The following MINDY2 variants were observed in gnomAD, a reference collection of about 807,000 sequenced individuals.
MINDY2 encodes the protein MINDY lysine 48 deubiquitinase 2.
A neutral mutation model predicts 68.2 loss-of-function variants in MINDY2; 52 were observed. That is an observed-to-expected ratio of 0.76 (90% CI 0.61 to 0.96). The LOEUF is 0.96. Among genes scored for constraint, MINDY2 ranks in the 40% least tolerant of loss-of-function variants. The pLI is 0.00. For missense variants in MINDY2, 881 were observed against 773.4 expected, an observed-to-expected ratio of 1.14 and a Z score of -1.65; for synonymous variants, 372 against 303.0, an observed-to-expected ratio of 1.23 and a Z score of -2.36.
In MINDY2 at chr15:58,847,277, T is replaced by G. The variant is rs745593136; in HGVS notation, c.1369-20T>G. ...TTGATCAATTTAACAGTCCTTTTTC[T>G]TTTGTTACTTCTTATTAAGGGTCAA... On this transcript the variant is annotated intron_variant, in intron 6 of 8. Transcript: ENST00000559228. The G allele has an allele frequency of 3.9e-6, 6 of 1,525,948 alleles. No homozygotes were observed. The South Asian group carries it at 6.4e-5, about 16-fold the overall frequency. 94.5% of individuals were successfully genotyped at this position (1,525,948 alleles called of 1,614,324 possible).
At chr15:58,825,514 C>A (rs1301031707) in intron 5 of MINDY2, among the ~76,000 whole-genome samples, 1 of 152,146 alleles carries the variant, frequency 6.6e-6, no homozygotes, top group Non-Finnish European at 1.5e-5. Context: ...GTACCAGCAG[C>A]CAGACTTCAC....
rs551809114 is a variant in MINDY2 at position 58,828,474 on chromosome 15, G to C, written c.1226-3300G>C. Among the ~76,000 whole-genome samples, 135 of 150,616 alleles carry C rather than the reference G, an allele frequency of 9.0e-4. 1 individual carries two copies. Among genetic ancestry groups the C allele is most frequent in the Non-Finnish European group, 2.9e-5 (2 of 67,822 alleles). ...CTTTTTGACTAATTATAGTACCTCT[G>C]TAACTTCACCATCTTTAAGGCATTC... On this transcript the variant is annotated intron_variant, in intron 5 of 8. Transcript: ENST00000559228.
At chr15:58,822,141 C>G (rs1435005544) in intron 5 of MINDY2, among the ~76,000 whole-genome samples, 2 of 151,904 alleles carry the variant, frequency 1.3e-5, no homozygotes, top group African/African-American at 4.8e-5. Context: ...GTAATCCCAG[C>G]TACTCAGGAG....
rs1249384880 is a variant in MINDY2, at chr15:58,857,819, C to T, written c.*3209C>T. Reference sequence around the variant, plus strand: ...AATCATCATTAGATTTGAAAATAGGCAGATGAATGAACAAATATGGTCATT... The same window carrying T: ...AATCATCATTAGATTTGAAAATAGGTAGATGAATGAACAAATATGGTCATT... On this transcript the variant is annotated 3_prime_UTR_variant, in exon 9 of 9. Coordinates refer to ENST00000559228, the MANE Select transcript of MINDY2 (RefSeq NM_001040450.3). 1.3e-5 allele frequency: 2 copies of T among 152,134 alleles called. No individual in the cohort carries two copies. The highest frequency in any genetic ancestry group is 2.9e-5 in the Non-Finnish European group (2 of 68,012). The allele number at this position is 152,134 out of a possible 1,614,324, so 9.4% of individuals were successfully genotyped here.
rs547054269 is a variant in MINDY2 at position 58,797,437 on chromosome 15, G to A, written c.899-4876G>A. On this transcript the variant is annotated intron_variant, in intron 2 of 8. Coordinates refer to ENST00000559228, the MANE Select transcript of MINDY2 (RefSeq NM_001040450.3). ...GCAGCAGGATCACTTGAGCCTGGAA[G>A]TTCAAGGCTGCAGTGAGCCATGTTT... 1.5e-4 allele frequency among the ~76,000 whole-genome samples: 23 copies of A among 152,310 alleles called. No homozygotes were observed. In the South Asian group the frequency reaches 3.7e-3, roughly 25 times the overall value.
Position 58,777,483 on chromosome 15 carries a change from T to TA in MINDY2, c.840+5250dup, listed in dbSNP as rs372061949. ...GAGTAGGCGATCATTCATAATCTAT[T>TA]AAGTAGTTGGCTAGGCAGTGTGGCT... On this transcript the variant is annotated intron_variant, in intron 1 of 8. Coordinates refer to ENST00000559228, the MANE Select transcript of MINDY2 (RefSeq NM_001040450.3). 5.6e-3 allele frequency among the ~76,000 whole-genome samples: 855 copies of TA among 152,158 alleles called. 12 individuals carry two copies. The highest frequency in any genetic ancestry group is 0.02 in the African/African-American group (828 of 41,502).
chr15:58,782,488 C>T (rs1201106767), intron 1 of MINDY2, among the ~76,000 whole-genome samples: 1 of 152,198 alleles, frequency 6.6e-6, no homozygotes, highest in African/African-American at 2.4e-5. Flanking sequence ...ACTTAATCTT[C>T]ACTTGCCAAA....
chr15:58,819,097 C>T (rs1157570776), intron 4 of MINDY2, among the ~76,000 whole-genome samples: 1 of 152,100 alleles, frequency 6.6e-6, no homozygotes, highest in Non-Finnish European at 1.5e-5. Flanking sequence ...TTTCCTCAGC[C>T]TCTTGAATAG....
rs201818932 is a variant in MINDY2, at chr15:58,802,295, C to CT, written c.899-5dup. On this transcript the variant is annotated splice_polypyrimidine_tract_variant and intron_variant, in intron 2 of 8. Coordinates refer to ENST00000559228, the MANE Select transcript of MINDY2 (RefSeq NM_001040450.3). ...GTTTTTAAAAGGCAATTTTACAATT[C>CT]TTTTTTTTTTTTTACAGGAGATTAC... 112,331 of 1,246,264 alleles carry CT rather than the reference C, an allele frequency of 0.09. 205 individuals are homozygous for CT. The highest frequency in any genetic ancestry group is 0.1 in the Non-Finnish European group (91,361 of 906,588). 77.2% of individuals were successfully genotyped at this position (1,246,264 alleles called of 1,614,324 possible).
chr15:58,800,242 T>G (rs1436850913), intron 2 of MINDY2, among the ~76,000 whole-genome samples: 5 of 152,232 alleles, frequency 3.3e-5, no homozygotes, highest in Non-Finnish European at 7.3e-5. Flanking sequence ...CAAGGTTTTC[T>G]TAATTCTTTC....
intron 5 of MINDY2, among the ~76,000 whole-genome samples, chr15:58,823,551 C>T (rs1489519056): frequency 9.9e-5 from 15 of 151,740 alleles, no homozygotes; most frequent in Admixed American, 9.9e-4. Context: ...TCTAGCTCCA[C>T]GTACTTGGGA....
intron 4 of MINDY2, among the ~76,000 whole-genome samples, chr15:58,820,861 T>A (rs988207137): frequency 6.6e-5 from 10 of 152,026 alleles, no homozygotes; most frequent in African/African-American, 2.4e-4. Flanking sequence ...GGCCCTCTTA[T>A]TTTTATTTAT....
At position 58,851,908 on chromosome 15, in the gene MINDY2, CTA is replaced by C; in HGVS notation, c.1682_1683del (p.Tyr561SerfsTer36). 6.2e-7 allele frequency: 1 copy of C among 1,608,928 alleles called. No individual in the cohort carries two copies. The highest frequency in any genetic ancestry group is 8.5e-7 in the Non-Finnish European group (1 of 1,178,834). On this transcript the variant is annotated frameshift_variant, in exon 8 of 9. Coordinates refer to ENST00000559228, the MANE Select transcript of MINDY2 (RefSeq NM_001040450.3). LOFTEE classifies it high-confidence loss of function. ...AAGAGGACAGACGGGCTTCTCAATACTATCAGGAACAGGAACAAGCAGCAGCT... is the reference window on the plus strand; with the variant it reads ...AAGAGGACAGACGGGCTTCTCAATACTCAGGAACAGGAACAAGCAGCAGCT... ...EEEDRRASQY[Y>X]QEQEQAAAAA...
intron 2 of MINDY2, among the ~76,000 whole-genome samples, chr15:58,793,665 C>G (rs1222986975): frequency 1.3e-5 from 2 of 151,902 alleles, no homozygotes; most frequent in African/African-American, 4.8e-5. Flanking sequence ...GAAAAATTAG[C>G]CTTAGATAGT....
At chr15:58,795,019 C>G (rs1352690484) in intron 2 of MINDY2, among the ~76,000 whole-genome samples, 2 of 151,496 alleles carry the variant, frequency 1.3e-5, no homozygotes, top group African/African-American at 4.9e-5. Flanking sequence ...ACTAAAAATA[C>G]AAAAAAATTA....
intron 4 of MINDY2, among the ~76,000 whole-genome samples, chr15:58,820,376 G>A (rs1394818028): frequency 4.0e-5 from 6 of 151,644 alleles, no homozygotes; most frequent in African/African-American, 1.2e-4. Flanking sequence ...CCCAGGAGGT[G>A]GAGGTTGCAG....
At chr15:58,781,125 C>G (rs1426260392) in intron 1 of MINDY2, among the ~76,000 whole-genome samples, 1 of 152,128 alleles carries the variant, frequency 6.6e-6, no homozygotes, top group Admixed American at 6.6e-5. Context: ...TCTTGGCTCA[C>G]TGCAACCTCC....
At chr15:58,788,662 A>ATATATATATAT (rs1901668251) in intron 2 of MINDY2, among the ~76,000 whole-genome samples, 1 of 152,210 alleles carries the variant, frequency 6.6e-6, no homozygotes, top group African/African-American at 2.4e-5. Flanking sequence ...ATATATTTAT[A>ATATATATATAT]CTATCACCAA....
At chr15:58,803,227 G>A (rs1423022822) in intron 3 of MINDY2, among the ~76,000 whole-genome samples, 1 of 151,948 alleles carries the variant, frequency 6.6e-6, no homozygotes, top group Non-Finnish European at 1.5e-5. Context: ...AGCACTTTGG[G>A]AGGCCGAGGT....
Sources: allele counts gnomAD v4.1 joint callset (sites outside exome capture counted in the v4.1 genomes callset), GRCh38; gene constraint gnomAD v4.1.1; transcripts MANE v1.5; gene names NCBI Gene and HGNC (gene_info 2026-07-23, HGNC 2026-07-21).